MUC7: variants seen among roughly 807,000 people sequenced by gnomAD.
The protein encoded by MUC7 is mucin-7.
Under a neutral mutation model 2.5 loss-of-function variants are expected in MUC7, and 2 were observed. The ratio of observed to expected loss-of-function variants is 0.81; its 90% CI spans 0.33 to 2.55. MUC7 has a LOEUF of 2.55. Ranked by LOEUF, MUC7 falls within the 30% of genes most tolerant of loss-of-function variation. The pLI, the probability that MUC7 is intolerant of heterozygous loss-of-function variation, is 0.11. For missense variants in MUC7, 408 were observed against 455.6 expected (o/e 0.90, Z 0.95); for synonymous variants, 133 against 173.4 (o/e 0.77, Z 1.83).
At chr4:70,440,779 G>A (rs1183030826) in intron 1 of MUC7, among the ~76,000 whole-genome samples, 1 of 151,632 alleles carries the variant, frequency 6.6e-6, no homozygotes, top group Non-Finnish European at 1.5e-5. Flanking sequence ...AAAATAGAAA[G>A]AATAAAAACA....
At chr4:70,479,465 G>A (rs6817784) in intron 2 of MUC7, among the ~76,000 whole-genome samples, 3 of 151,986 alleles carry the variant, frequency 2.0e-5, no homozygotes, top group Admixed American at 6.6e-5. Context: ...TATAACTTGC[G>A]ACTGGAATGA....
chr4:70,464,445 T>C (rs1043030493), intron 1 of MUC7, among the ~76,000 whole-genome samples: 1 of 152,098 alleles, frequency 6.6e-6, no homozygotes, highest in Non-Finnish European at 1.5e-5. Flanking sequence ...AACCAAGTGG[T>C]CGAGCTCAGT....
intron 1 of MUC7, among the ~76,000 whole-genome samples, chr4:70,442,199 A>G (rs1734026048): frequency 6.6e-6 from 1 of 152,234 alleles, no homozygotes; most frequent in African/African-American, 2.4e-5. Context: ...GGGTTCGTAT[A>G]TGTACAGCTC....
At chr4:70,435,489 T>G (rs975459052) in intron 1 of MUC7, among the ~76,000 whole-genome samples, 1 of 152,222 alleles carries the variant, frequency 6.6e-6, no homozygotes, top group African/African-American at 2.4e-5. Context: ...TCTTTGTTGG[T>G]TTAAAGTCTG....
At chr4:70,442,514 C>T (rs1163127140) in intron 1 of MUC7, among the ~76,000 whole-genome samples, 1 of 152,152 alleles carries the variant, frequency 6.6e-6, no homozygotes, top group Non-Finnish European at 1.5e-5. Context: ...CTCAATTTCC[C>T]CTCCAGCCTA....
chr4:70,480,509 G>A (rs1735132851), intron 2 of MUC7, among the ~76,000 whole-genome samples: 1 of 152,142 alleles, frequency 6.6e-6, no homozygotes, highest in Non-Finnish European at 1.5e-5. Context: ...AAGAAGAGAG[G>A]AACTGTAAGC....
chr4:70,477,182 GGAA>G (rs1434015326), intron 2 of MUC7, among the ~76,000 whole-genome samples: 5 of 151,886 alleles, frequency 3.3e-5, no homozygotes, highest in Non-Finnish European at 5.9e-5. Context: ...GGCCGCGGCG[GGAA>G]GATCACCTGA....
At position 70,481,298 on chromosome 4, in the gene MUC7, C is replaced by T. The variant is rs756725397; in HGVS notation, c.554C>T (p.Pro185Leu). The change falls in exon 3 of 3, where the codon CCA (proline) becomes CTA (leucine). Residue 185 changes from proline (P) to leucine (L), a missense_variant. Coordinates refer to ENST00000304887, the MANE Select transcript of MUC7 (RefSeq NM_152291.3). The stretch of plus-strand genomic sequence containing the variant: ...CCAGCTCCACCATCTTCCTCAGCTC[C>T]ACCAGAGACCACAGCTGCCCCACCC... ...TTPAPPSSSA[P>L]PETTAAPPTP... 3.1e-6 allele frequency: 5 copies of T among 1,613,222 alleles called. No homozygotes were observed. Among genetic ancestry groups the T allele is most frequent in the African/African-American group, 1.3e-5 (1 of 74,856 alleles).
intron 1 of MUC7, among the ~76,000 whole-genome samples, chr4:70,450,771 C>T (rs963825788): frequency 6.6e-6 from 1 of 152,176 alleles, no homozygotes; most frequent in Non-Finnish European, 1.5e-5. Context: ...ACAAGGGCCT[C>T]ATGACTCTGA....
chr4:70,441,567 A>G (rs1472015994), intron 1 of MUC7, among the ~76,000 whole-genome samples: 1 of 152,220 alleles, frequency 6.6e-6, no homozygotes, highest in East Asian at 1.9e-4. Context: ...CTTTCTCTCA[A>G]ACAAAAAAAT....
chr4:70,458,138 T>C (rs1435731476), intron 1 of MUC7, among the ~76,000 whole-genome samples: 1 of 152,028 alleles, frequency 6.6e-6, no homozygotes, highest in Non-Finnish European at 1.5e-5. Context: ...CATACTAAAT[T>C]AAGCTTATTC....
intron 1 of MUC7, among the ~76,000 whole-genome samples, chr4:70,448,417 G>C (rs1286214340): frequency 1.3e-5 from 2 of 152,006 alleles, no homozygotes; most frequent in African/African-American, 4.8e-5. Context: ...GTGTTCAAGT[G>C]TCCTTGCCAT....
intron 1 of MUC7, among the ~76,000 whole-genome samples, chr4:70,443,555 A>C (rs1734055476): frequency 6.6e-6 from 1 of 152,306 alleles, no homozygotes; most frequent in African/African-American, 2.4e-5. Context: ...TGGCAAACAA[A>C]ATGGTCAGCT....
chr4:70,460,327 A>T (rs899126264), intron 1 of MUC7, among the ~76,000 whole-genome samples: 1 of 152,244 alleles, frequency 6.6e-6, no homozygotes, highest in Non-Finnish European at 1.5e-5. Flanking sequence ...ATCATCAAGG[A>T]TGGTTCCATA....
Position 70,482,277 on chromosome 4 carries a change from G to A in MUC7, c.*399G>A. ...ACCATCTAATCCTATAAACATAAAG[G>A]GGTAAAATTGGAACTCTCCAGATGA... is the stretch of plus-strand genomic sequence containing the variant. On this transcript the variant is annotated 3_prime_UTR_variant, in exon 3 of 3. Coordinates refer to ENST00000304887, the MANE Select transcript of MUC7 (RefSeq NM_152291.3). 1 of 173,162 alleles carries A rather than the reference G, an allele frequency of 5.8e-6. No homozygotes were observed. Among genetic ancestry groups the A allele is most frequent in the East Asian group, 1.5e-4 (1 of 6,548 alleles). The allele number at this position is 173,162 out of a possible 1,614,324, so 10.7% of individuals were successfully genotyped here.
intron 2 of MUC7, among the ~76,000 whole-genome samples, chr4:70,480,529 C>T (rs957021279): frequency 3.9e-5 from 6 of 152,136 alleles, no homozygotes; most frequent in Non-Finnish European, 8.8e-5. Flanking sequence ...CACAAAAGTT[C>T]GTATCCAGCT....
intron 1 of MUC7, among the ~76,000 whole-genome samples, chr4:70,433,295 C>T (rs1334652067): frequency 6.6e-6 from 1 of 152,108 alleles, no homozygotes; most frequent in Non-Finnish European, 1.5e-5. Flanking sequence ...ATGGAGATAG[C>T]ACTGAATCTA....
chr4:70,463,046 A>G (rs1734596597), intron 1 of MUC7, among the ~76,000 whole-genome samples: 1 of 152,152 alleles, frequency 6.6e-6, no homozygotes, highest in African/African-American at 2.4e-5. Flanking sequence ...TTTGCAGGTC[A>G]ATCTTCTGTT....
chr4:70,450,020 A>G (rs1734241545), intron 1 of MUC7, among the ~76,000 whole-genome samples: 2 of 152,366 alleles, frequency 1.3e-5, no homozygotes, highest in Non-Finnish European at 2.9e-5. Flanking sequence ...AGCCAGGCCT[A>G]TGTCCTTCCA....
Sources: gnomAD v4.1 joint callset for allele counts (sites outside exome capture counted in the v4.1 genomes callset) on GRCh38, gnomAD v4.1.1 for gene constraint, MANE v1.5 for transcripts, NCBI Gene and HGNC (gene_info 2026-07-23, HGNC 2026-07-21) for gene names.